Variants in SLC12A4 observed in about 807,000 individuals in gnomAD.
SLC12A4 encodes the protein solute carrier family 12 member 4.
A neutral mutation model predicts 119.2 loss-of-function variants in SLC12A4; 84 were observed. The ratio of observed to expected loss-of-function variants is 0.70; its 90% CI spans 0.59 to 0.85. The LOEUF (loss-of-function observed/expected upper bound fraction) is 0.85, where lower values mean the gene tolerates loss of function less well. SLC12A4 is among the 40% of genes least tolerant of loss of function. The pLI is 0.00. For synonymous variants in SLC12A4, 599 were observed against 604.6 expected (o/e 0.99, Z 0.14); for missense variants, 1,298 against 1,476.3 (o/e 0.88, Z 1.98).
Position 67,965,770 on chromosome 16 carries a change from C to T in SLC12A4, c.116-2211G>A, listed in dbSNP as rs559523473. Among the ~76,000 whole-genome samples the T allele has an allele frequency of 4.6e-5, 7 of 152,242 alleles. No individual in the cohort carries two copies. In the South Asian group the frequency reaches 1.5e-3, roughly 32 times the overall value. ...CTTCAGCTATCACTCTAGGATGGCT[C>T]GGGGCCCTTCCAAAAGTTGTCTCTA... On this transcript the variant is annotated intron_variant, in intron 1 of 23. Transcript: ENST00000316341.
Position 67,950,134 on chromosome 16 carries a change from C to T in SLC12A4, c.1629+185G>A, listed in dbSNP as rs1826220352. 1 of 725,374 alleles carries T rather than the reference C, an allele frequency of 1.4e-6. No homozygotes were observed. The highest frequency in any genetic ancestry group is 2.2e-6 in the Non-Finnish European group (1 of 448,024). 44.9% of individuals were successfully genotyped at this position (725,374 alleles called of 1,614,324 possible). On this transcript the variant is annotated intron_variant, in intron 12 of 23. Transcript: ENST00000316341. This position sits in a 1 kb window ranked among gnomAD's most constrained non-coding sequence, Gnocchi z 4.3. The stretch of plus-strand genomic sequence containing the variant: ...AAACAGGCCATGAAGATTCTGGGTC[C>T]AGGCAGCTCCAGGCCCAGGTGAGTG...
At chr16:67,957,243 C>T (rs1851188304) in intron 5 of SLC12A4, among the ~76,000 whole-genome samples, 1 of 151,108 alleles carries the variant, frequency 6.6e-6, no homozygotes, top group South Asian at 2.1e-4. Flanking sequence ...AATCTCGGCT[C>T]ACCGCAAGCT....
In SLC12A4 at chr16:67,943,854, G is replaced by A; in HGVS notation, c.*986C>T. ...GGTACTTATGTCGGGGCTTATGCAG[G>A]GCAGAAGGGCTTTGGCCAGGTCAGC... is the stretch of plus-strand genomic sequence containing the variant. On this transcript the variant is annotated 3_prime_UTR_variant, in exon 24 of 24. Transcript: ENST00000316341. The surrounding 1 kb of genome is among the most constrained non-coding windows in gnomAD (Gnocchi z 4.6). The A allele has an allele frequency of 1.6e-6, 2 of 1,231,244 alleles. No individual in the cohort carries two copies. Among genetic ancestry groups the A allele is most frequent in the Non-Finnish European group, 2.2e-6 (2 of 889,474 alleles). 76.3% of individuals were successfully genotyped at this position (1,231,244 alleles called of 1,614,324 possible).
In SLC12A4 at chr16:67,950,620, G is replaced by A; in HGVS notation, c.1454+34C>T. Reference sequence around the variant, plus strand: ...TGGTGTGAGGGCAGGCCAAAGCCCAGCCGCTGCTAAAGAGGGGGGCCCAGC... The same window carrying A: ...TGGTGTGAGGGCAGGCCAAAGCCCAACCGCTGCTAAAGAGGGGGGCCCAGC... On this transcript the variant is annotated intron_variant, in intron 11 of 23. Transcript: ENST00000316341. The surrounding 1 kb of genome is among the most constrained non-coding windows in gnomAD (Gnocchi z 4.3). The A allele has an allele frequency of 6.2e-7, 1 of 1,609,552 alleles. No individual in the cohort carries two copies. The highest frequency in any genetic ancestry group is 8.5e-7 in the Non-Finnish European group (1 of 1,178,026).
chr16:67,950,521 T>G lies in SLC12A4; in HGVS notation c.1455-28A>C, dbSNP rs766988305. On this transcript the variant is annotated intron_variant, in intron 11 of 23. Transcript: ENST00000316341. This position sits in a 1 kb window ranked among gnomAD's most constrained non-coding sequence, Gnocchi z 4.3. ...GCAGGGGCCACCAGAGTGAGGGATGTCAGGGGTCCGGAAGGATGGCACAGA... is the reference window on the plus strand; with the variant it reads ...GCAGGGGCCACCAGAGTGAGGGATGGCAGGGGTCCGGAAGGATGGCACAGA... 6.2e-7 allele frequency: 1 copy of G among 1,613,284 alleles called. No homozygotes were observed. Among genetic ancestry groups the G allele is most frequent in the South Asian group, 1.1e-5 (1 of 91,040 alleles).
At position 67,946,981 on chromosome 16, in the gene SLC12A4, C is replaced by G; in HGVS notation, c.2197G>C (p.Gly733Arg). 6.2e-7 allele frequency: 1 copy of G among 1,613,326 alleles called. No homozygotes were observed. The highest frequency in any genetic ancestry group is 8.5e-7 in the Non-Finnish European group (1 of 1,180,024). Residue 733 changes from glycine to arginine, a missense_variant, in exon 17 of 24, where the codon GGG becomes CGG. Physicochemically the swap from Gly to Arg is moderately radical, Grantham distance 125. Coordinates refer to ENST00000316341, the MANE Select transcript of SLC12A4 (RefSeq NM_005072.5). ...GLTIVGSVIQ[G>R]SFLESYGEAQ... ...TCGCCATAGCTCTCCAAGAAGCTCC[C>G]CTGGATGACAGAACCAACAATGGTC...
In SLC12A4 at chr16:67,945,620, A is replaced by G. The variant is rs552105513; in HGVS notation, c.2848-67T>C. 85 of 1,552,886 alleles carry G rather than the reference A, an allele frequency of 5.5e-5. No individual in the cohort carries two copies. In the African/African-American group the frequency reaches 7.2e-4, roughly 13 times the overall value. ...AGGGGGATGGGGCCTGTCTGGCCCA[A>G]TGTGACCACCTTGCCTCCGGGAAAT... On this transcript the variant is annotated intron_variant, in intron 21 of 23. Transcript: ENST00000316341.
At chr16:67,954,820 T>G in intron 5 of SLC12A4, 47 bp from the exon 6 acceptor site, 1 of 1,610,902 alleles carries the variant, frequency 6.2e-7, no homozygotes, top group South Asian at 1.1e-5. Flanking sequence ...CTGGTTCTTC[T>G]TCAAGGGGTC....
In SLC12A4 at chr16:67,951,721, C is replaced by A. The variant is rs975513220; in HGVS notation, c.1132+102G>T. ...CTGGGGGGCTGGGAAGGCGGCCAGT[C>A]CTGCCCCCGTTCCCAAGCTGGCCAC... On this transcript the variant is annotated intron_variant, in intron 8 of 23. Coordinates refer to ENST00000316341, the MANE Select transcript of SLC12A4 (RefSeq NM_005072.5). This position sits in a 1 kb window ranked among gnomAD's most constrained non-coding sequence, Gnocchi z 5.2. The A allele has an allele frequency of 2.7e-6, 3 of 1,107,210 alleles. No individual in the cohort carries two copies. The highest frequency in any genetic ancestry group is 3.9e-6 in the Non-Finnish European group (3 of 768,814). 68.6% of individuals were successfully genotyped at this position (1,107,210 alleles called of 1,614,324 possible).
rs1459040329 is a variant in SLC12A4, at chr16:67,944,491, T to TGGTG, written c.*345_*348dup. 8.0e-7 allele frequency: 1 copy of TGGTG among 1,249,478 alleles called. No individual in the cohort carries two copies. The highest frequency in any genetic ancestry group is 1.5e-5 in the African/African-American group (1 of 66,214). 77.4% of individuals were successfully genotyped at this position (1,249,478 alleles called of 1,614,324 possible). A position where few individuals can be genotyped will look rare whatever the true frequency, so the allele number is the denominator to read the frequency against. On this transcript the variant is annotated 3_prime_UTR_variant, in exon 24 of 24. Coordinates refer to ENST00000316341, the MANE Select transcript of SLC12A4 (RefSeq NM_005072.5). This position sits in a 1 kb window ranked among gnomAD's most constrained non-coding sequence, Gnocchi z 6.6. ...TGGCTACCCTTCCCTTCGTCTCTGA[T>TGGTG]GGTGACATCCAAACAATAAATATGC...
intron 1 of SLC12A4, among the ~76,000 whole-genome samples, chr16:67,964,393 A>C (rs944133962): frequency 1.3e-5 from 2 of 151,870 alleles, no homozygotes; most frequent in Non-Finnish European, 2.9e-5. Flanking sequence ...TCAACTCCCA[A>C]AGCTCGACTG....
chr16:67,944,229 C>G lies in SLC12A4; in HGVS notation c.*611G>C, dbSNP rs533238681. Reference sequence around the variant, plus strand: ...AGTGGGGGTTGTGGCCAGAGATTGCCGGAAAGGGGCACAGCCTCAGGGAGC... The same window carrying G: ...AGTGGGGGTTGTGGCCAGAGATTGCGGGAAAGGGGCACAGCCTCAGGGAGC... On this transcript the variant is annotated 3_prime_UTR_variant, in exon 24 of 24. Transcript: ENST00000316341. The surrounding 1 kb of genome is among the most constrained non-coding windows in gnomAD (Gnocchi z 6.6). 2.8e-6 allele frequency: 4 copies of G among 1,446,888 alleles called. No homozygotes were observed. The highest frequency in any genetic ancestry group is 4.9e-5 in the Admixed American group (2 of 40,434). The allele number at this position is 1,446,888 out of a possible 1,614,324, so 89.6% of individuals were successfully genotyped here. A position where few individuals can be genotyped will look rare whatever the true frequency, so the allele number is the denominator to read the frequency against.
chr16:67,964,007 C>T (rs1040637020), intron 1 of SLC12A4: 18 of 1,551,082 alleles, frequency 1.2e-5, no homozygotes, highest in Middle Eastern at 1.7e-4. Flanking sequence ...CGAAGCCGCA[C>T]ACAGCACCTT....
At chr16:67,968,417 G>A (rs1340135423) in intron 1 of SLC12A4, 22 bp downstream of exon 1, 2 of 1,550,578 alleles carry the variant, frequency 1.3e-6, no homozygotes, top group Non-Finnish European at 1.7e-6. Flanking sequence ...CCCCGCCACG[G>A]CCCCTCAGAA....
rs770528375 is a variant in SLC12A4 at position 67,963,519 on chromosome 16, G to A, written c.156C>T (p.Pro52=). ...AGTCAATTCCTCTGGAAGCCTCCAA[G>A]GGGGAAAGAAAAGGGCTGCTCTCTC... ...NHRESSPFLS[P]LEASRGIDYY... Residue 52 remains proline, a synonymous_variant, in exon 2 of 24, where the codon CCC becomes CCT. Coordinates refer to ENST00000316341, the MANE Select transcript of SLC12A4 (RefSeq NM_005072.5). 7 of 1,586,404 alleles carry A rather than the reference G, an allele frequency of 4.4e-6. No homozygotes were observed. The highest frequency in any genetic ancestry group is 4.6e-5 in the East Asian group (2 of 43,824).
In SLC12A4 at chr16:67,954,642, C is replaced by T. The variant is rs1483691306; in HGVS notation, c.675+1G>A. The T allele has an allele frequency of 3.1e-6, 5 of 1,614,040 alleles. No individual in the cohort carries two copies. The Admixed American group carries it at 5.0e-5, about 16-fold the overall frequency. ...GTTGGCCAGGGCTCAGCCTGACTCA[C>T]CAGCAAGATCTCGATGGCCCCCAGG... On this transcript the variant is annotated splice_donor_variant, in intron 6 of 23. Coordinates refer to ENST00000316341, the MANE Select transcript of SLC12A4 (RefSeq NM_005072.5). LOFTEE classifies it high-confidence loss of function.
intron 2 of SLC12A4, chr16:67,962,974 A>G (rs2030662383): frequency 6.6e-6 from 1 of 152,340 alleles, no homozygotes; most frequent in Admixed American, 6.5e-5. Context: ...TTGAGTCTGA[A>G]GAAGATAAAA....
intron 3 of SLC12A4, among the ~76,000 whole-genome samples, chr16:67,960,605 A>C (rs372844701): frequency 1.3e-5 from 2 of 151,380 alleles, no homozygotes; most frequent in East Asian, 2.0e-4. Flanking sequence ...ACCTCTGAGA[A>C]TACTACAGCC....
In SLC12A4 at chr16:67,949,972, G is replaced by A. The variant is rs1475281810; in HGVS notation, c.1630-54C>T. On this transcript the variant is annotated intron_variant, in intron 12 of 23. Coordinates refer to ENST00000316341, the MANE Select transcript of SLC12A4 (RefSeq NM_005072.5). The surrounding 1 kb of genome is among the most constrained non-coding windows in gnomAD (Gnocchi z 4.6). ...CTGTCACCCCCATTCCACACCTTGGGCCCCAGACCCCAGCCTGGCCTCCCT... is the reference window on the plus strand; with the variant it reads ...CTGTCACCCCCATTCCACACCTTGGACCCCAGACCCCAGCCTGGCCTCCCT... The A allele has an allele frequency of 7.1e-7, 1 of 1,416,852 alleles. No homozygotes were observed. Among genetic ancestry groups the A allele is most frequent in the Non-Finnish European group, 9.9e-7 (1 of 1,006,074 alleles). 87.8% of individuals were successfully genotyped at this position (1,416,852 alleles called of 1,614,324 possible).
Sources: allele counts gnomAD v4.1 joint callset (sites outside exome capture counted in the v4.1 genomes callset), GRCh38; gene constraint gnomAD v4.1.1; non-coding constraint Gnocchi (gnomAD v3.1); transcripts MANE v1.5; gene names NCBI Gene and HGNC (gene_info 2026-07-23, HGNC 2026-07-21).